The following AP3D1 variants were observed in gnomAD, a reference collection of about 807,000 sequenced individuals.
AP3D1 encodes the protein AP-3 complex subunit delta-1.
In AP3D1, 51 loss-of-function variants were observed where a neutral mutation model predicts 147.6. The ratio of observed to expected loss-of-function variants is 0.35; its 90% CI spans 0.28 to 0.44. The LOEUF is 0.44. Ranked by LOEUF, AP3D1 falls within the 20% of genes least tolerant of loss-of-function variation. AP3D1 has a pLI of 1.00. For missense variants in AP3D1, 1,421 were observed against 1,624.2 expected, an observed-to-expected ratio of 0.87 and a Z score of 2.15; for synonymous variants, 760 against 663.0, an observed-to-expected ratio of 1.15 and a Z score of -2.25.
intron 17 of AP3D1, 140 bp from the exon 18 acceptor site, chr19:2,116,418 A>C: frequency 8.2e-7 from 1 of 1,225,338 alleles, no homozygotes; most frequent in Non-Finnish European, 1.1e-6. Context: ...AGGGAAACCA[A>C]GGCCCGCAAT....
At chr19:2,103,173 C>T (rs2092296243) in intron 31 of AP3D1, among the ~76,000 whole-genome samples, 2 of 151,930 alleles carry the variant, frequency 1.3e-5, no homozygotes, top group Non-Finnish European at 1.5e-5. Context: ...AATATTGCCT[C>T]GCAGCTGTAT....
At chr19:2,144,827 T>A (rs1336802212) in intron 1 of AP3D1, among the ~76,000 whole-genome samples, 2 of 151,964 alleles carry the variant, frequency 1.3e-5, no homozygotes, top group Non-Finnish European at 2.9e-5. Flanking sequence ...TGCTTGAACC[T>A]GGGAGGAAGA....
chr19:2,161,168 T>G (rs1406301573), intron 1 of AP3D1, among the ~76,000 whole-genome samples: 1 of 149,182 alleles, frequency 6.7e-6, no homozygotes, highest in Non-Finnish European at 1.5e-5. Flanking sequence ...TTTTTTTTTT[T>G]TTTTTTTTTT....
rs367652410 is a variant in AP3D1, at chr19:2,136,148, C to T, written c.354+863G>A. ...CACGGCATCTAGGGCGCATGTCGCC[C>T]GCGGCCCAGGCGGGACGCCCAGCTC... is the stretch of plus-strand genomic sequence containing the variant. On this transcript the variant is annotated intron_variant, in intron 4 of 31. Coordinates refer to ENST00000643116, the MANE Select transcript of AP3D1 (RefSeq NM_001261826.3). Among the ~76,000 whole-genome samples, 230 of 152,364 alleles carry T rather than the reference C, an allele frequency of 1.5e-3. 1 individual carries two copies. Among genetic ancestry groups the T allele is most frequent in the African/African-American group, 5.1e-3 (214 of 41,582 alleles).
chr19:2,120,960 C>T lies in AP3D1; in HGVS notation c.1383G>A (p.Ala461=), dbSNP rs554416679. 2.0e-5 allele frequency: 32 copies of T among 1,612,044 alleles called. No individual in the cohort carries two copies. Among genetic ancestry groups the T allele is most frequent in the South Asian group, 1.3e-4 (12 of 91,094 alleles). ...IRKFAVSQMS[A]LLDSAHLLAS... is the part of the protein sequence containing the mutation. Reference sequence around the variant, plus strand: ...CCAGCAGGTGTGCACTGTCAAGCAGCGCAGACATCTGGGACACGGCGAACT... The same window carrying T: ...CCAGCAGGTGTGCACTGTCAAGCAGTGCAGACATCTGGGACACGGCGAACT... Residue 461 remains alanine, a synonymous_variant, in exon 14 of 32, where the codon GCG becomes GCA. Transcript: ENST00000643116.
intron 1 of AP3D1, among the ~76,000 whole-genome samples, chr19:2,143,279 C>T (rs1393883211): frequency 4.8e-5 from 6 of 125,068 alleles, no homozygotes; most frequent in African/African-American, 9.8e-5. Context: ...CCTGCTCTGT[C>T]GCCCAGGCTG....
intron 1 of AP3D1, 78 bp from the exon 2 acceptor site, chr19:2,138,792 T>G: frequency 9.5e-7 from 1 of 1,051,446 alleles, no homozygotes; most frequent in South Asian, 1.3e-5. Flanking sequence ...CCAGGCACAG[T>G]GGCTCACGCC....
chr19:2,124,567 G>A (rs544106483), intron 9 of AP3D1, among the ~76,000 whole-genome samples: 9 of 152,336 alleles, frequency 5.9e-5, no homozygotes, highest in African/African-American at 1.7e-4. Flanking sequence ...ACAGGAGACC[G>A]TGTGTGCGTG....
chr19:2,119,092 G>C (rs1335342845), intron 14 of AP3D1, among the ~76,000 whole-genome samples: 1 of 152,214 alleles, frequency 6.6e-6, no homozygotes, highest in African/African-American at 2.4e-5. Flanking sequence ...AAAGGACAAC[G>C]GGGTCAACTG....
chr19:2,123,694 G>T, intron 10 of AP3D1, 136 bp downstream of exon 10: 1 of 1,079,390 alleles, frequency 9.3e-7, no homozygotes, highest in Non-Finnish European at 1.4e-6. Context: ...CACAGGACGC[G>T]GCTGTGCCCT....
At chr19:2,129,753 G>A (rs1336338787) in intron 6 of AP3D1, among the ~76,000 whole-genome samples, 1 of 152,244 alleles carries the variant, frequency 6.6e-6, no homozygotes, top group Non-Finnish European at 1.5e-5. Flanking sequence ...CCCTCTGAGT[G>A]GGGGTTTCAG....
chr19:2,126,819 G>A (rs769135091), intron 9 of AP3D1, among the ~76,000 whole-genome samples: 3 of 152,126 alleles, frequency 2.0e-5, no homozygotes, highest in African/African-American at 4.8e-5. Context: ...AGCAGGGGCC[G>A]GCATCTGTGG....
chr19:2,153,690 AG>A, upstream of AP3D1, among the ~76,000 whole-genome samples: 1 of 151,062 alleles, frequency 6.6e-6, no homozygotes, highest in East Asian at 1.9e-4. Context: ...AAAAAAAAAA[AG>A]GAGGGGAACT....
chr19:2,121,035 G>A lies in AP3D1; in HGVS notation c.1308C>T (p.Leu436=). 1.2e-6 allele frequency: 2 copies of A among 1,612,876 alleles called. No individual in the cohort carries two copies. The highest frequency in any genetic ancestry group is 1.7e-6 in the Non-Finnish European group (2 of 1,179,974). The change falls in exon 14 of 32, where the codon CTC becomes CTT. Residue 436 remains leucine (L), a synonymous_variant. Transcript: ENST00000643116. The part of the protein sequence containing the change: ...TRLEGTRHGH[L]IAAQMLDVAI... ...CCACGTCCAGCATTTGGGCGGCGAT[G>A]AGGTGGCCGTGCCGTGTGCCCTCCA...
At chr19:2,163,756 A>C (rs1442041754) in intron 1 of AP3D1, among the ~76,000 whole-genome samples, 1 of 151,162 alleles carries the variant, frequency 6.6e-6, no homozygotes, top group Non-Finnish European at 1.5e-5. Flanking sequence ...GCAACCGAGG[A>C]CGTGCGTGCG....
intron 1 of AP3D1, among the ~76,000 whole-genome samples, chr19:2,146,187 G>A (rs889365619): frequency 2.1e-4 from 32 of 152,170 alleles, no homozygotes; most frequent in African/African-American, 6.3e-4. Flanking sequence ...CCACCATGAC[G>A]GCTGCAAAGC....
At chr19:2,109,368 T>C (rs572484403) in intron 29 of AP3D1, 161 bp from the exon 30 acceptor site, 10 of 956,310 alleles carry the variant, frequency 1.0e-5, no homozygotes, top group Middle Eastern at 3.5e-4. Context: ...CTCATTTTCA[T>C]GTGCGGAAGC....
At chr19:2,103,115 T>C (rs75850271) in intron 31 of AP3D1, among the ~76,000 whole-genome samples, 7 of 151,800 alleles carry the variant, frequency 4.6e-5, no homozygotes, top group Non-Finnish European at 7.4e-5. Context: ...TAAGAGTGAG[T>C]TCCTACCTCA....
intron 1 of AP3D1, among the ~76,000 whole-genome samples, chr19:2,149,591 C>A (rs1359834458): frequency 6.6e-6 from 1 of 151,346 alleles, no homozygotes; most frequent in Non-Finnish European, 1.5e-5. Flanking sequence ...CTTGAAGGGG[C>A]CCAGACTTGT....
Sources: gnomAD v4.1 joint callset for allele counts (sites outside exome capture counted in the v4.1 genomes callset) on GRCh38, gnomAD v4.1.1 for gene constraint, MANE v1.5 for transcripts, NCBI Gene and HGNC (gene_info 2026-07-23, HGNC 2026-07-21) for gene names.